JPH2: variants seen among roughly 807,000 people sequenced by gnomAD.
JPH2 encodes junctophilin-2.
JPH2 carries 38 observed loss-of-function variants against 55.9 expected under a neutral mutation model. The observed-to-expected ratio is 0.68, with a 90% CI of 0.52 to 0.89. The LOEUF is 0.89. Among genes scored for constraint, JPH2 ranks in the 40% least tolerant of loss-of-function variants. The pLI is 0.00. For missense variants in JPH2, 964 were observed against 1,037.6 expected (o/e 0.93, Z 0.97); for synonymous variants, 480 against 472.4 (o/e 1.02, Z -0.21).
rs1353293607 is a variant in JPH2, at chr20:44,185,325, AAC to A, written c.379+1000_379+1001del. ...TATCTTTAAAAAATTTAAAAAAGGA[AAC>A]ACAAAAGGAATGTAGGCCCGGCACA... On this transcript the variant is annotated intron_variant, in intron 1 of 5. Transcript: ENST00000372980. Among the ~76,000 whole-genome samples the A allele has an allele frequency of 3.9e-5, 6 of 152,038 alleles. No homozygotes were observed. In the East Asian group the frequency reaches 1.2e-3, roughly 29 times the overall value.
rs1569195718 is a variant in JPH2 at position 44,134,873 on chromosome 20, TA to T, written c.1170-16251del. Among the ~76,000 whole-genome samples, 25 of 24,844 alleles carry T rather than the reference TA, an allele frequency of 1.0e-3. 1 individual carries two copies. The highest frequency in any genetic ancestry group is 4.0e-3 in the South Asian group (4 of 998). 16.3% of individuals were successfully genotyped at this position (24,844 alleles called of 152,430 possible). On this transcript the variant is annotated intron_variant, in intron 2 of 5. Coordinates refer to ENST00000372980, the MANE Select transcript of JPH2 (RefSeq NM_020433.5). ...TTATAAATATATATATAAATATATA[TA>T]TTTATATATATATTAATATATATTT... is the stretch of plus-strand genomic sequence containing the variant.
intron 4 of JPH2, 88 bp downstream of exon 4, chr20:44,115,577 C>T (rs2072182137): frequency 1.3e-6 from 2 of 1,570,340 alleles, no homozygotes; most frequent in Admixed American, 3.4e-5. Context: ...CCCCAGCAAC[C>T]CCCAAATCCC....
chr20:44,184,359 C>T (rs919281912), intron 1 of JPH2, among the ~76,000 whole-genome samples: 11 of 152,032 alleles, frequency 7.2e-5, no homozygotes, highest in African/African-American at 1.7e-4. Context: ...GTTCGGCCCA[C>T]GACCTATGGT....
chr20:44,125,170 G>C (rs1242493875), intron 2 of JPH2, among the ~76,000 whole-genome samples: 1 of 149,772 alleles, frequency 6.7e-6, no homozygotes, highest in Admixed American at 6.6e-5. Context: ...ATGAAATCCA[G>C]ATATCTGTGT....
Position 44,114,883 on chromosome 20 carries a change from G to C in JPH2, c.2011-7C>G. The C allele has an allele frequency of 6.3e-7, 1 of 1,595,424 alleles. No homozygotes were observed. Among genetic ancestry groups the C allele is most frequent in the Non-Finnish European group, 8.5e-7 (1 of 1,171,552 alleles). ...TGAGGATGGTGTTGGGGACCTGGGAGCAGTGGAGAGAGGCTTCCTGAGTCC... is the reference window on the plus strand; with the variant it reads ...TGAGGATGGTGTTGGGGACCTGGGACCAGTGGAGAGAGGCTTCCTGAGTCC... On this transcript the variant is annotated splice_polypyrimidine_tract_variant and splice_region_variant and intron_variant, in intron 4 of 5. Coordinates refer to ENST00000372980, the MANE Select transcript of JPH2 (RefSeq NM_020433.5).
intron 2 of JPH2, among the ~76,000 whole-genome samples, chr20:44,131,808 T>TACAAAATG (rs2072321224): frequency 6.6e-6 from 1 of 152,208 alleles, no homozygotes; most frequent in South Asian, 2.1e-4. Context: ...ACTCAAATTG[T>TACAAAATG]ACAAAATGAC....
intron 1 of JPH2, among the ~76,000 whole-genome samples, chr20:44,161,115 G>T (rs2072606908): frequency 6.6e-6 from 1 of 152,150 alleles, no homozygotes; most frequent in South Asian, 2.1e-4. Context: ...GTGCAGGGTA[G>T]TGTGTGCACA....
intron 2 of JPH2, among the ~76,000 whole-genome samples, chr20:44,143,804 G>C (rs964687682): frequency 5.9e-4 from 90 of 152,296 alleles, no homozygotes; most frequent in African/African-American, 2.2e-3. Context: ...GCTGGCTATT[G>C]TGTGGAGAAG....
chr20:44,116,513 T>A, intron 3 of JPH2, 127 bp from the exon 4 acceptor site: 1 of 1,041,548 alleles, frequency 9.6e-7, no homozygotes. Context: ...ACTGACCAAG[T>A]GCCAGGCACT....
rs186634402 is a variant in JPH2 at position 44,159,324 on chromosome 20, T to C, written c.1169+294A>G. Among the ~76,000 whole-genome samples, 6 of 151,880 alleles carry C rather than the reference T, an allele frequency of 4.0e-5. No homozygotes were observed. The East Asian group carries it at 1.2e-3, about 29-fold the overall frequency. On this transcript the variant is annotated intron_variant, in intron 2 of 5. Transcript: ENST00000372980. The surrounding 1 kb of genome is among the most constrained non-coding windows in gnomAD (Gnocchi z 5.7). ...CTGGGTGGGTAAACAGGAAGTGGAA[T>C]GGGTAGGGGAATGGAGTGGATGACT... is the stretch of plus-strand genomic sequence containing the variant.
chr20:44,114,114 T>C (rs2072167510), intron 5 of JPH2, among the ~76,000 whole-genome samples: 1 of 152,174 alleles, frequency 6.6e-6, no homozygotes. Flanking sequence ...ATGCTTCACC[T>C]TGAGAGCAGT....
rs1455753392 is a variant in JPH2, at chr20:44,109,044, GT to G, written c.*4473del. Among the ~76,000 whole-genome samples the G allele has an allele frequency of 6.6e-6, 1 of 152,070 alleles. No homozygotes were observed. The highest frequency in any genetic ancestry group is 1.5e-5 in the Non-Finnish European group (1 of 68,034). ...ATCCACTAATATCCAATAGACAAAT[GT>G]CCCCTGCCACATCCCTGTTGACTAG... is the stretch of plus-strand genomic sequence containing the variant. On this transcript the variant is annotated 3_prime_UTR_variant, in exon 6 of 6. Coordinates refer to ENST00000372980, the MANE Select transcript of JPH2 (RefSeq NM_020433.5).
intron 2 of JPH2, among the ~76,000 whole-genome samples, chr20:44,119,873 C>CAA (rs56808570): frequency 8.2e-6 from 1 of 121,454 alleles, no homozygotes; most frequent in East Asian, 2.4e-4. Flanking sequence ...GACTCCATCT[C>CAA]AAAAAAAAAA....
chr20:44,138,378 C>G lies in JPH2; in HGVS notation c.1170-19755G>C, dbSNP rs184201539. Among the ~76,000 whole-genome samples, 4 of 150,454 alleles carry G rather than the reference C, an allele frequency of 2.7e-5. No individual in the cohort carries two copies. In the East Asian group the frequency reaches 8.0e-4, roughly 30 times the overall value. On this transcript the variant is annotated intron_variant, in intron 2 of 5. Transcript: ENST00000372980. The stretch of plus-strand genomic sequence containing the variant: ...AGCCCAGCAGCAAGCAGCCTTGAGT[C>G]TGAGTTTGTTTGCTTTATTAGACAG...
intron 2 of JPH2, among the ~76,000 whole-genome samples, chr20:44,120,992 A>G (rs1030913649): frequency 1.3e-5 from 2 of 152,244 alleles, no homozygotes; most frequent in African/African-American, 4.8e-5. Context: ...AAACAGACAC[A>G]AAAACTATTT....
Position 44,147,534 on chromosome 20 carries a change from G to A in JPH2, c.1169+12084C>T, listed in dbSNP as rs377059494. On this transcript the variant is annotated intron_variant, in intron 2 of 5. Coordinates refer to ENST00000372980, the MANE Select transcript of JPH2 (RefSeq NM_020433.5). Reference sequence around the variant, plus strand: ...AGTCCTAGTTATGAAAAACAAAAACGAACAAAACCAGAATAGGTAAGTAGA... The same window carrying A: ...AGTCCTAGTTATGAAAAACAAAAACAAACAAAACCAGAATAGGTAAGTAGA... Among the ~76,000 whole-genome samples the A allele has an allele frequency of 5.9e-5, 9 of 152,258 alleles. No homozygotes were observed. The East Asian group carries it at 7.7e-4, about 13-fold the overall frequency.
intron 2 of JPH2, among the ~76,000 whole-genome samples, chr20:44,149,283 A>T (rs2072514294): frequency 6.6e-6 from 1 of 152,036 alleles, no homozygotes; most frequent in African/African-American, 2.4e-5. Flanking sequence ...CCCAGCCTAC[A>T]GCCTAGCCCT....
intron 1 of JPH2, among the ~76,000 whole-genome samples, chr20:44,162,881 C>A (rs1157145774): frequency 6.7e-6 from 1 of 148,636 alleles, no homozygotes; most frequent in Non-Finnish European, 1.5e-5. Context: ...CTGTTTAAAA[C>A]TGCAATCTGC....
At chr20:44,174,078 C>A (rs1011409827) in intron 1 of JPH2, among the ~76,000 whole-genome samples, 2 of 152,236 alleles carry the variant, frequency 1.3e-5, no homozygotes, top group African/African-American at 4.8e-5. Context: ...AGTCCCCACT[C>A]ACCACTTCCG....
Sources: allele counts gnomAD v4.1 joint callset (sites outside exome capture counted in the v4.1 genomes callset), GRCh38; gene constraint gnomAD v4.1.1; non-coding constraint Gnocchi (gnomAD v3.1); transcripts MANE v1.5; gene names NCBI Gene and HGNC (gene_info 2026-07-23, HGNC 2026-07-21).